ZNF451: variants seen among roughly 807,000 people sequenced by gnomAD.
ZNF451 encodes the protein E3 SUMO-protein ligase ZNF451.
A neutral mutation model predicts 107.1 loss-of-function variants in ZNF451; 80 were observed. That is an observed-to-expected ratio of 0.75 (90% confidence interval 0.62 to 0.90). The LOEUF is 0.90. ZNF451 is among the 40% of genes least tolerant of loss of function. ZNF451 has a pLI of 0.00. For synonymous variants in ZNF451, 362 were observed against 406.5 expected (o/e 0.89, Z 1.32); for missense variants, 1,107 against 1,236.2 (o/e 0.90, Z 1.57).
At chr6:57,118,916 T>G (rs937445728) in intron 3 of ZNF451, among the ~76,000 whole-genome samples, 1 of 152,212 alleles carries the variant, frequency 6.6e-6, no homozygotes, top group African/African-American at 2.4e-5. Context: ...GTTAGTAGAA[T>G]GTCACCTACT....
chr6:57,148,486 C>T lies in ZNF451; in HGVS notation c.2401C>T (p.Pro801Ser), dbSNP rs766378790. ...CGTCTKAFHD[P>S]ESAQQHFHRK... is the part of the protein sequence containing the mutation. The stretch of plus-strand genomic sequence containing the variant: ...CACCTGCACCAAAGCATTTCATGAT[C>T]CTGAGAGTGCACAGCAGCATTTCCA... The change falls in exon 10 of 15, where the codon CCT becomes TCT. Residue 801 changes from proline (P) to serine (S), a missense_variant. By Grantham distance (74) the Pro-to-Ser change is moderately conservative. Around this residue, in one of 5 missense-constraint regions of ZNF451, gnomAD observed 608 missense variants for 649.2 expected, o/e 0.94. Coordinates refer to ENST00000370706, the MANE Select transcript of ZNF451 (RefSeq NM_001031623.3). 1.9e-6 allele frequency: 3 copies of T among 1,614,084 alleles called. No homozygotes were observed.
In ZNF451 at chr6:57,148,443, G is replaced by T; in HGVS notation, c.2358G>T (p.Gln786His). Residue 786 changes from glutamine (Q) to histidine (H), a missense_variant, in exon 10 of 15, where the codon CAG (glutamine) becomes CAT (histidine). By Grantham distance (24) the Gln-to-His change is conservative. Coordinates refer to ENST00000370706, the MANE Select transcript of ZNF451 (RefSeq NM_001031623.3). ...AAAAGAGTGATGAGGAGGAGCAGCA[G>T]TATGTAATCAAGTGTGGCACCTGCA... ...HKEKSDEEEQ[Q>H]YVIKCGTCTK... is the part of the protein sequence containing the mutation. 1.2e-6 allele frequency: 2 copies of T among 1,613,972 alleles called. No homozygotes were observed. Among genetic ancestry groups the T allele is most frequent in the African/African-American group, 1.3e-5 (1 of 75,046 alleles).
At chr6:57,148,797 T>C in intron 10 of ZNF451, 104 bp downstream of exon 10, 1 of 1,084,096 alleles carries the variant, frequency 9.2e-7, no homozygotes, top group African/African-American at 1.6e-5. Flanking sequence ...AACTTCTTGA[T>C]GGTATGTTAA....
intron 13 of ZNF451, 92 bp downstream of exon 13, chr6:57,154,139 T>C (rs1763286102): frequency 8.2e-7 from 1 of 1,222,342 alleles, no homozygotes; most frequent in Non-Finnish European, 1.2e-6. Flanking sequence ...TAGTGAACTG[T>C]TGCCTGCTTG....
intron 9 of ZNF451, among the ~76,000 whole-genome samples, chr6:57,144,149 T>C (rs1350580175): frequency 1.3e-5 from 2 of 152,058 alleles, no homozygotes; most frequent in Non-Finnish European, 2.9e-5. Context: ...CTATTGATGG[T>C]TGCACATATC....
At chr6:57,096,108 G>A (rs541466549) in intron 2 of ZNF451, among the ~76,000 whole-genome samples, 2 of 151,310 alleles carry the variant, frequency 1.3e-5, no homozygotes, top group East Asian at 1.9e-4. Context: ...ACAGGCATGA[G>A]CCATCCTGCC....
intron 7 of ZNF451, among the ~76,000 whole-genome samples, chr6:57,136,799 A>T (rs948759084): frequency 1.3e-5 from 2 of 151,948 alleles, no homozygotes; most frequent in Non-Finnish European, 2.9e-5. Context: ...TTTTTCCCCA[A>T]ATTTCATTAA....
Position 57,134,879 on chromosome 6 carries a change from A to C in ZNF451, c.702+9A>C. 6.3e-7 allele frequency: 1 copy of C among 1,594,834 alleles called. No individual in the cohort carries two copies. Among genetic ancestry groups the C allele is most frequent in the Non-Finnish European group, 8.6e-7 (1 of 1,169,544 alleles). On this transcript the variant is annotated intron_variant, in intron 7 of 14. Transcript: ENST00000370706. ...ATCACCTTTTTGATAAGGTAAGAGC[A>C]TGTCCTAAATTAAAAGTATTATTTT...
Position 57,148,305 on chromosome 6 carries a change from A to C in ZNF451, c.2220A>C (p.Arg740Ser). The C allele has an allele frequency of 2.5e-6, 4 of 1,614,080 alleles. No homozygotes were observed. The highest frequency in any genetic ancestry group is 3.4e-6 in the Non-Finnish European group (4 of 1,179,986). Residue 740 changes from arginine (R) to serine (S), a missense_variant, in exon 10 of 15, where the codon AGA (arginine) becomes AGC (serine). Transcript: ENST00000370706. ...CKVNRKEDYS[R>S]CLQIMLDKGK... ...TCAACAGAAAAGAAGATTATAGCAG[A>C]TGTCTCCAAATCATGCTGGATAAAG... is the stretch of plus-strand genomic sequence containing the variant.
chr6:57,106,221 T>C (rs1829847622), intron 3 of ZNF451: 3 of 985,294 alleles, frequency 3.0e-6, no homozygotes, highest in African/African-American at 1.7e-5. Context: ...CTTGAAGATA[T>C]AACTAGTTGA....
In ZNF451 at chr6:57,141,508, T is replaced by C. The variant is rs996145483; in HGVS notation, c.856+53T>C. On this transcript the variant is annotated intron_variant, in intron 8 of 14. Transcript: ENST00000370706. The stretch of plus-strand genomic sequence containing the variant: ...ATTAAACTACTTGAATCTTTGCTGA[T>C]TTATCATACTTCTCAGATCATTCTT... 5.4e-6 allele frequency: 8 copies of C among 1,482,402 alleles called. No homozygotes were observed. In the South Asian group the frequency reaches 1.1e-4, roughly 20 times the overall value. The allele number at this position is 1,482,402 out of a possible 1,614,324, so 91.8% of individuals were successfully genotyped here.
intron 3 of ZNF451, chr6:57,101,281 T>G: frequency 6.4e-7 from 1 of 1,550,970 alleles, no homozygotes; most frequent in Non-Finnish European, 8.7e-7. Context: ...GAAACCTGAT[T>G]GTGTGACTTC....
intron 14 of ZNF451, among the ~76,000 whole-genome samples, chr6:57,162,109 A>G (rs1763697541): frequency 6.6e-6 from 1 of 152,214 alleles, no homozygotes; most frequent in Non-Finnish European, 1.5e-5. Context: ...AAAGTGTTAT[A>G]TCGGCATCTT....
intron 14 of ZNF451, among the ~76,000 whole-genome samples, chr6:57,162,111 C>T (rs143572839): frequency 1.3e-5 from 2 of 152,188 alleles, no homozygotes; most frequent in East Asian, 1.9e-4. Context: ...AGTGTTATAT[C>T]GGCATCTTTG....
At chr6:57,129,182 T>G (rs182784674) in intron 5 of ZNF451, among the ~76,000 whole-genome samples, 1 of 152,308 alleles carries the variant, frequency 6.6e-6, no homozygotes, top group Admixed American at 6.5e-5. Context: ...AAAGCTTCTC[T>G]AAGGAAATGG....
chr6:57,104,334 G>C, intron 3 of ZNF451: 1 of 985,420 alleles, frequency 1.0e-6, no homozygotes, highest in Non-Finnish European at 1.2e-6. Flanking sequence ...GGAGAACTCA[G>C]TGGTGAGAGA....
intron 10 of ZNF451, 58 bp downstream of exon 10, chr6:57,148,751 C>A: frequency 6.8e-7 from 1 of 1,463,756 alleles, no homozygotes; most frequent in East Asian, 2.3e-5. Context: ...TTACAATGTA[C>A]CCACCTCGAT....
chr6:57,129,996 T>G (rs2127964095), intron 5 of ZNF451, among the ~76,000 whole-genome samples: 1 of 152,300 alleles, frequency 6.6e-6, no homozygotes, highest in South Asian at 2.1e-4. Context: ...TTCATTTCAC[T>G]AATACAGTAT....
At chr6:57,165,949 G>C (rs1763877071) in intron 14 of ZNF451, 1 of 152,244 alleles carries the variant, frequency 6.6e-6, no homozygotes, top group African/African-American at 2.4e-5. Flanking sequence ...GTCAGTGAGT[G>C]AGTGGTGAGT....
Sources: allele counts gnomAD v4.1 joint callset (sites outside exome capture counted in the v4.1 genomes callset), GRCh38; gene constraint gnomAD v4.1.1; regional missense constraint gnomAD v4.1.1; transcripts MANE v1.5; gene names NCBI Gene and HGNC (gene_info 2026-07-23, HGNC 2026-07-21).